Variants in VIT observed in about 807,000 individuals in gnomAD.
VIT encodes the protein vitrin.
VIT carries 99 observed loss-of-function variants against 78.0 expected under a neutral mutation model. The ratio of observed to expected loss-of-function variants is 1.27; its 90% CI spans 1.08 to 1.50. The LOEUF is 1.50. VIT is among the 40% of genes most tolerant of loss of function. The pLI is 0.00. For synonymous variants in VIT, 374 were observed against 334.3 expected (o/e 1.12, Z -1.29); for missense variants, 1,126 against 875.3 (o/e 1.29, Z -3.61).
At chr2:36,775,349 C>T (rs1669989585) in intron 9 of VIT, among the ~76,000 whole-genome samples, 1 of 152,166 alleles carries the variant, frequency 6.6e-6, no homozygotes. Flanking sequence ...AGCCTCTTTG[C>T]CTCTCTGCAC....
At position 36,760,845 on chromosome 2, in the gene VIT, C is replaced by G. The variant is rs1426104445; in HGVS notation, c.487+1799C>G. 2.6e-5 allele frequency among the ~76,000 whole-genome samples: 4 copies of G among 152,320 alleles called. No homozygotes were observed. The East Asian group carries it at 7.7e-4, about 29-fold the overall frequency. On this transcript the variant is annotated intron_variant, in intron 6 of 15. Transcript: ENST00000379242. ...CTTCCCACAGAGCCATGGGAACAGC[C>G]AGGCTTCTCTTTGGCACCCTCAGGT...
intron 10 of VIT, among the ~76,000 whole-genome samples, chr2:36,783,135 A>T (rs935896938): frequency 1.3e-5 from 2 of 152,238 alleles, no homozygotes; most frequent in Non-Finnish European, 2.9e-5. Flanking sequence ...CAAATCCCCC[A>T]GCAGAGTACT....
intron 2 of VIT, among the ~76,000 whole-genome samples, chr2:36,720,281 A>G (rs1014108697): frequency 2.6e-5 from 4 of 152,252 alleles, no homozygotes; most frequent in African/African-American, 9.6e-5. Flanking sequence ...TGGTACTGGC[A>G]TAAAACCAGA....
intron 15 of VIT, among the ~76,000 whole-genome samples, chr2:36,812,868 T>C (rs559523644): frequency 3.4e-5 from 5 of 147,550 alleles, no homozygotes; most frequent in African/African-American, 1.2e-4. Flanking sequence ...CTTCTTTTTT[T>C]TTTTTTTTTT....
intron 12 of VIT, 59 bp from the exon 13 acceptor site, chr2:36,801,242 C>G (rs1666299927): frequency 1.4e-6 from 2 of 1,430,080 alleles, no homozygotes. Context: ...ATGATCTCTG[C>G]CTTCCTCCAA....
chr2:36,756,276 A>G lies in VIT; in HGVS notation c.409+1222A>G, dbSNP rs1178781865. On this transcript the variant is annotated intron_variant, in intron 5 of 15. Coordinates refer to ENST00000379242, the MANE Select transcript of VIT (RefSeq NM_053276.4). Reference sequence around the variant, plus strand: ...CCCAGCCTAACAGTGTTCTATACTCACCTTATACGTACCCTACTCTAAACC... The same window carrying G: ...CCCAGCCTAACAGTGTTCTATACTCGCCTTATACGTACCCTACTCTAAACC... Among the ~76,000 whole-genome samples the G allele has an allele frequency of 2.0e-5, 3 of 151,934 alleles. No individual in the cohort carries two copies. In the East Asian group the frequency reaches 5.8e-4, roughly 29 times the overall value.
At chr2:36,762,798 C>A (rs1669202784) in intron 6 of VIT, among the ~76,000 whole-genome samples, 1 of 152,106 alleles carries the variant, frequency 6.6e-6, no homozygotes, top group African/African-American at 2.4e-5. Context: ...CAACCTTCTA[C>A]CATGGGAAAT....
chr2:36,730,892 C>T (rs971186110), intron 3 of VIT, among the ~76,000 whole-genome samples: 3 of 151,934 alleles, frequency 2.0e-5, no homozygotes, highest in African/African-American at 7.3e-5. Flanking sequence ...GATTGGTTTG[C>T]GAGTATGCAA....
chr2:36,772,591 C>T (rs1441627898), intron 7 of VIT, among the ~76,000 whole-genome samples: 1 of 152,142 alleles, frequency 6.6e-6, no homozygotes, highest in East Asian at 1.9e-4. Flanking sequence ...CTTGTAGTCT[C>T]AGCTACTCAG....
chr2:36,812,038 G>A (rs114657995), intron 15 of VIT, among the ~76,000 whole-genome samples: 2,910 of 152,246 alleles, frequency 0.019, 100 homozygotes, highest in African/African-American at 0.066. Flanking sequence ...CCATCTTTGA[G>A]CGGGAAGGAG....
intron 15 of VIT, among the ~76,000 whole-genome samples, chr2:36,813,865 T>C (rs900256371): frequency 1.3e-5 from 2 of 152,200 alleles, no homozygotes; most frequent in East Asian, 3.8e-4. Flanking sequence ...AAACATGAAA[T>C]TCTTACCATG....
chr2:36,799,741 T>G (rs1198088319), intron 12 of VIT, among the ~76,000 whole-genome samples: 1 of 149,986 alleles, frequency 6.7e-6, no homozygotes, highest in African/African-American at 2.5e-5. Flanking sequence ...AGTCTTCTCC[T>G]TCTTGAAAAC....
intron 10 of VIT, among the ~76,000 whole-genome samples, chr2:36,783,051 C>T (rs777992547): frequency 1.3e-5 from 2 of 152,190 alleles, no homozygotes; most frequent in African/African-American, 2.4e-5. Context: ...AAGTGCTTAA[C>T]GCTTTCAGAT....
intron 2 of VIT, among the ~76,000 whole-genome samples, chr2:36,722,257 A>G (rs1666559947): frequency 6.6e-6 from 1 of 151,558 alleles, no homozygotes; most frequent in Non-Finnish European, 1.5e-5. Flanking sequence ...ACAGGGAGCA[A>G]GTGGAGTAAA....
intron 9 of VIT, among the ~76,000 whole-genome samples, chr2:36,777,248 T>C (rs1042502629): frequency 1.3e-5 from 2 of 151,540 alleles, no homozygotes; most frequent in African/African-American, 4.8e-5. Flanking sequence ...TAAAGGTCTT[T>C]GGGGTCTTTG....
chr2:36,710,887 G>A (rs1020183167), intron 1 of VIT, among the ~76,000 whole-genome samples: 7 of 152,086 alleles, frequency 4.6e-5, no homozygotes, highest in East Asian at 3.9e-4. Flanking sequence ...GTCATTGTAC[G>A]GACATATACT....
At chr2:36,722,079 G>C (rs920545795) in intron 2 of VIT, among the ~76,000 whole-genome samples, 4 of 152,178 alleles carry the variant, frequency 2.6e-5, no homozygotes, top group African/African-American at 9.7e-5. Context: ...GCCATCCAAG[G>C]ATCCCTCAAA....
Position 36,801,929 on chromosome 2 carries a change from C to T in VIT, c.1162+525C>T, listed in dbSNP as rs200331103. On this transcript the variant is annotated intron_variant, in intron 13 of 15. Transcript: ENST00000379242. ...CAAGAAGGGGTAGCATTCTTCAGGG[C>T]AATCAAGTCTGCTGTCCTGACTATT... is the stretch of plus-strand genomic sequence containing the variant. Among the ~76,000 whole-genome samples, 33 of 152,308 alleles carry T rather than the reference C, an allele frequency of 2.2e-4. No individual in the cohort carries two copies. The East Asian group carries it at 5.6e-3, about 26-fold the overall frequency.
rs1383938742 is a variant in VIT, at chr2:36,728,824, AAAAAAG to A, written c.53-596_53-591del. ...CAAGACTCCGTCTCAAAAAAAAAAAAAAAAAGAAAAAAGAAAAAATATTTTTTATAA... is the reference window on the plus strand; with the variant it reads ...CAAGACTCCGTCTCAAAAAAAAAAAAAAAAAAGAAAAAATATTTTTTATAA... On this transcript the variant is annotated intron_variant, in intron 2 of 15. Coordinates refer to ENST00000379242, the MANE Select transcript of VIT (RefSeq NM_053276.4). Among the ~76,000 whole-genome samples the A allele has an allele frequency of 4.4e-5, 6 of 135,476 alleles. 1 individual carries two copies. The highest frequency in any genetic ancestry group is 4.8e-4 in the South Asian group (2 of 4,200). The allele number at this position is 135,476 out of a possible 152,430, so 88.9% of individuals were successfully genotyped here. A position where few individuals can be genotyped will look rare whatever the true frequency, so the allele number is the denominator to read the frequency against.
Sources: gnomAD v4.1 joint callset for allele counts (sites outside exome capture counted in the v4.1 genomes callset) on GRCh38, gnomAD v4.1.1 for gene constraint, MANE v1.5 for transcripts, NCBI Gene and HGNC (gene_info 2026-07-23, HGNC 2026-07-21) for gene names.